The following TBCA variants were observed in gnomAD, a reference collection of about 807,000 sequenced individuals.
The protein encoded by TBCA is tubulin folding cofactor A, also known as tubulin-specific chaperone A.
A neutral mutation model predicts 15.8 loss-of-function variants in TBCA; 6 were observed. The observed-to-expected ratio is 0.38, with a 90% CI of 0.21 to 0.75. The LOEUF (loss-of-function observed/expected upper bound fraction) is 0.75. TBCA is among the 30% of genes least tolerant of loss of function. TBCA has a pLI of 0.46. For synonymous variants in TBCA, 32 were observed against 42.3 expected, an observed-to-expected ratio of 0.76 and a Z score of 0.94; for missense variants, 90 against 131.2, an observed-to-expected ratio of 0.69 and a Z score of 1.53.
At chr5:77,735,148 C>A (rs1746869745) in intron 1 of TBCA, among the ~76,000 whole-genome samples, 1 of 152,082 alleles carries the variant, frequency 6.6e-6, no homozygotes, top group African/African-American at 2.4e-5. Flanking sequence ...CTCCAAGGTA[C>A]CTGTATCTAG....
intron 1 of TBCA, among the ~76,000 whole-genome samples, chr5:77,710,393 C>T (rs1265491813): frequency 6.6e-6 from 1 of 152,054 alleles, no homozygotes; most frequent in Non-Finnish European, 1.5e-5. Flanking sequence ...ATCATTAATG[C>T]ATATCACAAA....
At chr5:77,703,296 A>T (rs1211615852) in intron 2 of TBCA, among the ~76,000 whole-genome samples, 1 of 127,872 alleles carries the variant, frequency 7.8e-6, no homozygotes, top group Non-Finnish European at 1.7e-5. Flanking sequence ...GATATGTCTG[A>T]CTGAGTGTCA....
At chr5:77,748,536 A>G (rs1418180272) in intron 1 of TBCA, among the ~76,000 whole-genome samples, 3 of 151,772 alleles carry the variant, frequency 2.0e-5, no homozygotes, top group African/African-American at 7.3e-5. Context: ...AAGTGAAATT[A>G]ATTTAAATGG....
intron 1 of TBCA, among the ~76,000 whole-genome samples, chr5:77,721,643 G>A (rs1206992700): frequency 5.9e-5 from 9 of 151,968 alleles, no homozygotes; most frequent in Non-Finnish European, 1.2e-4. Context: ...AAAAAACTAC[G>A]TTATAAGTCC....
At chr5:77,698,627 A>C (rs1393678465) in intron 2 of TBCA, among the ~76,000 whole-genome samples, 1 of 152,232 alleles carries the variant, frequency 6.6e-6, no homozygotes. Flanking sequence ...TCAAGAAAAC[A>C]GAAAAGGAAG....
At chr5:77,701,954 A>G (rs781476153) in intron 2 of TBCA, among the ~76,000 whole-genome samples, 22 of 151,906 alleles carry the variant, frequency 1.4e-4, no homozygotes, top group African/African-American at 4.4e-4. Context: ...AGGAAACATC[A>G]TATGTTCTCA....
chr5:77,732,411 C>T (rs6453349), intron 1 of TBCA, among the ~76,000 whole-genome samples: 16,185 of 151,562 alleles, frequency 0.11, 931 homozygotes, highest in Middle Eastern at 0.13. Context: ...ATTAGCCGGG[C>T]GTGGTGACGG....
At chr5:77,773,136 A>C (rs1278006988) in intron 1 of TBCA, among the ~76,000 whole-genome samples, 2 of 152,218 alleles carry the variant, frequency 1.3e-5, no homozygotes, top group African/African-American at 4.8e-5. Flanking sequence ...CCAGTCTGGT[A>C]AAAGTCTGGT....
chr5:77,710,103 T>C (rs530470546), intron 1 of TBCA, among the ~76,000 whole-genome samples: 1 of 152,196 alleles, frequency 6.6e-6, no homozygotes, highest in Non-Finnish European at 1.5e-5. Flanking sequence ...TGCACAACTC[T>C]GTGAATCTAC....
chr5:77,744,500 G>A (rs1747130696), intron 1 of TBCA, among the ~76,000 whole-genome samples: 1 of 146,730 alleles, frequency 6.8e-6, no homozygotes, highest in Non-Finnish European at 1.5e-5. Context: ...GGACTTCTCT[G>A]AGCTTCCAGA....
At chr5:77,770,012 C>T (rs887374199) in intron 1 of TBCA, among the ~76,000 whole-genome samples, 1 of 152,178 alleles carries the variant, frequency 6.6e-6, no homozygotes, top group African/African-American at 2.4e-5. Context: ...CATTCACTCA[C>T]CAGTGAACTA....
chr5:77,713,896 A>T (rs1341337101), intron 1 of TBCA, among the ~76,000 whole-genome samples: 2 of 138,106 alleles, frequency 1.4e-5, no homozygotes, highest in African/African-American at 5.3e-5. Context: ...AAACAAAGCA[A>T]GTAAAGATTT....
intron 1 of TBCA, among the ~76,000 whole-genome samples, chr5:77,740,792 A>T (rs1264283495): frequency 6.6e-6 from 1 of 150,884 alleles, no homozygotes; most frequent in Non-Finnish European, 1.5e-5. Context: ...AAGGGAAAAA[A>T]GCCCCAGGTA....
intron 1 of TBCA, among the ~76,000 whole-genome samples, chr5:77,735,155 C>G (rs1746870122): frequency 6.6e-6 from 1 of 152,058 alleles, no homozygotes; most frequent in African/African-American, 2.4e-5. Context: ...GTACCTGTAT[C>G]TAGATTTTAC....
At chr5:77,717,298 G>A (rs1243111553) in intron 1 of TBCA, among the ~76,000 whole-genome samples, 1 of 152,184 alleles carries the variant, frequency 6.6e-6, no homozygotes, top group African/African-American at 2.4e-5. Context: ...AACAGCAGAA[G>A]ATTGTTCTGT....
intron 1 of TBCA, among the ~76,000 whole-genome samples, chr5:77,727,447 GTGT>G (rs991538385): frequency 1.3e-5 from 2 of 152,106 alleles, no homozygotes; most frequent in Admixed American, 6.6e-5. Context: ...TGATGGAGCT[GTGT>G]TGTTATTTCT....
At chr5:77,750,095 T>C (rs1010687483) in intron 1 of TBCA, among the ~76,000 whole-genome samples, 15 of 151,818 alleles carry the variant, frequency 9.9e-5, no homozygotes, top group Admixed American at 2.6e-4. Context: ...TGTTTCCTGT[T>C]TCACCGTATA....
chr5:77,759,606 C>A (rs755446243), intron 1 of TBCA, among the ~76,000 whole-genome samples: 1 of 152,122 alleles, frequency 6.6e-6, no homozygotes, highest in Non-Finnish European at 1.5e-5. Flanking sequence ...GGTTATTACA[C>A]AATATAATCC....
chr5:77,753,389 TAA>T (rs1430220169), intron 1 of TBCA, among the ~76,000 whole-genome samples: 1 of 152,228 alleles, frequency 6.6e-6, no homozygotes, highest in East Asian at 1.9e-4. Flanking sequence ...TATACAGATA[TAA>T]GAGACATGCA....
Sources: gnomAD v4.1 joint callset for allele counts (sites outside exome capture counted in the v4.1 genomes callset) on GRCh38, gnomAD v4.1.1 for gene constraint, MANE v1.5 for transcripts, NCBI Gene and HGNC (gene_info 2026-07-23, HGNC 2026-07-21) for gene names.